The following FCGRT variants were observed in gnomAD, a reference collection of about 807,000 sequenced individuals.
The protein encoded by FCGRT is IgG receptor FcRn large subunit p51.
FCGRT carries 13 observed loss-of-function variants against 35.7 expected under a neutral mutation model. That is an observed-to-expected ratio of 0.36 (90% CI 0.24 to 0.58). FCGRT has a LOEUF of 0.58. Among genes scored for constraint, FCGRT ranks in the 20% least tolerant of loss-of-function variants. The pLI is 0.77. For missense variants in FCGRT, 455 were observed against 474.9 expected (o/e 0.96, Z 0.39); for synonymous variants, 233 against 216.5 (o/e 1.08, Z -0.67).
chr19:49,525,702 C>G lies in FCGRT; in HGVS notation c.988+129C>G, dbSNP rs1054003418. 46 of 698,846 alleles carry G rather than the reference C, an allele frequency of 6.6e-5. No individual in the cohort carries two copies. The African/African-American group carries it at 7.3e-4, about 11-fold the overall frequency. The allele number at this position is 698,846 out of a possible 1,614,324, so 43.3% of individuals were successfully genotyped here. A position where few individuals can be genotyped will look rare whatever the true frequency, so the allele number is the denominator to read the frequency against. ...TCAGAGAGAGGTGGAGACAGAAACCCAGAGATGGGAGAACAGAGGTGCAGA... is the reference window on the plus strand; with the variant it reads ...TCAGAGAGAGGTGGAGACAGAAACCGAGAGATGGGAGAACAGAGGTGCAGA... On this transcript the variant is annotated intron_variant, in intron 6 of 6. Coordinates refer to ENST00000221466, the MANE Select transcript of FCGRT (RefSeq NM_001136019.3).
At position 49,524,667 on chromosome 19, in the gene FCGRT, C is replaced by T. The variant is rs538609449; in HGVS notation, c.762C>T (p.Asp254=). ...AGGGTGACTTCGGCCCCAACAGTGA[C>T]GGATCCTTCCACGCCTCGTCGTCAC... The part of the protein sequence containing the change: ...TGQGDFGPNS[D]GSFHASSSLT... The change falls in exon 5 of 7, where the codon GAC becomes GAT. Residue 254 remains aspartate (D), a synonymous_variant. Coordinates refer to ENST00000221466, the MANE Select transcript of FCGRT (RefSeq NM_001136019.3). 62 of 1,605,784 alleles carry T rather than the reference C, an allele frequency of 3.9e-5. No homozygotes were observed. The highest frequency in any genetic ancestry group is 1.6e-4 in the Middle Eastern group (1 of 6,084).
rs766812943 is a variant in FCGRT, at chr19:49,514,363, A to G, written c.478A>G (p.Ile160Val). 9.3e-6 allele frequency: 15 copies of G among 1,613,136 alleles called. No individual in the cohort carries two copies. In the South Asian group the frequency reaches 9.9e-5, roughly 11 times the overall value. Residue 160 changes from isoleucine to valine, a missense_variant, in exon 4 of 7, where the codon ATC becomes GTC. Around this residue, in one of 3 missense-constraint regions of FCGRT, gnomAD observed 312 missense variants for 296.1 expected, o/e 1.05. Coordinates refer to ENST00000221466, the MANE Select transcript of FCGRT (RefSeq NM_001136019.3). ...TGGGGACTGGCCCGAGGCCCTGGCTATCAGTCAGCGGTGGCAGCAGCAGGA... is the reference window on the plus strand; with the variant it reads ...TGGGGACTGGCCCGAGGCCCTGGCTGTCAGTCAGCGGTGGCAGCAGCAGGA... ...WGGDWPEALA[I>V]SQRWQQQDKA...
At position 49,525,500 on chromosome 19, in the gene FCGRT, C is replaced by T. The variant is rs538290471; in HGVS notation, c.915C>T (p.Ile305=). Residue 305 remains isoleucine, a synonymous_variant, in exon 6 of 7, where the codon ATC becomes ATT. Transcript: ENST00000221466. ...KSSVLVVGIV[I]GVLLLTAAAV... ...CCGTGCTCGTGGTGGGAATCGTCAT[C>T]GGTGTCTTGCTACTCACGGCAGCGG... is the stretch of plus-strand genomic sequence containing the variant. 3.8e-5 allele frequency: 61 copies of T among 1,613,896 alleles called. No homozygotes were observed. The highest frequency in any genetic ancestry group is 1.3e-5 in the African/African-American group (1 of 75,034).
intron 4 of FCGRT, among the ~76,000 whole-genome samples, chr19:49,515,810 A>G (rs555325703): frequency 6.6e-6 from 1 of 152,126 alleles, no homozygotes; most frequent in Non-Finnish European, 1.5e-5. Flanking sequence ...CAGCCACCCA[A>G]CATAAGCAAT....
intron 4 of FCGRT, among the ~76,000 whole-genome samples, chr19:49,521,485 G>A (rs972205228): frequency 6.6e-6 from 1 of 150,832 alleles, no homozygotes; most frequent in Non-Finnish European, 1.5e-5. Flanking sequence ...CAGGAGAATC[G>A]CTTGACCCCA....
At chr19:49,525,627 AG>A in intron 6 of FCGRT, 54 bp downstream of exon 6, 1 of 1,240,610 alleles carries the variant, frequency 8.1e-7, no homozygotes, top group South Asian at 1.2e-5. Flanking sequence ...ACCCCAAGAG[AG>A]GGGCACACAG....
At chr19:49,519,682 T>C (rs73056079) in intron 4 of FCGRT, among the ~76,000 whole-genome samples, 22,886 of 152,080 alleles carry the variant, frequency 0.15, 2,084 homozygotes, top group African/African-American at 0.25. Flanking sequence ...GGGTAGTTGG[T>C]GCGTATGTCT....
intron 4 of FCGRT, among the ~76,000 whole-genome samples, chr19:49,514,724 G>A (rs1334256110): frequency 2.8e-5 from 4 of 142,436 alleles, no homozygotes; most frequent in African/African-American, 5.3e-5. Context: ...ACGGAGTTTC[G>A]CTCTTGTTGC....
chr19:49,524,377 TC>T, intron 4 of FCGRT, 129 bp from the exon 5 acceptor site: 1 of 1,030,166 alleles, frequency 9.7e-7, no homozygotes, highest in Non-Finnish European at 1.4e-6. Flanking sequence ...AGGAAGTGCC[TC>T]CCCTTTTACC....
chr19:49,513,737 T>TTCC (rs2079988280), intron 2 of FCGRT, 145 bp from the exon 3 acceptor site: 1 of 254,726 alleles, frequency 3.9e-6, no homozygotes, highest in African/African-American at 5.7e-5. Context: ...TGGGTCTCTG[T>TTCC]CCCCCCCCCC....
intron 1 of FCGRT, 175 bp from the exon 2 acceptor site, chr19:49,513,212 T>G (rs1482366263): frequency 1.8e-5 from 7 of 390,292 alleles, no homozygotes; most frequent in Non-Finnish European, 3.2e-5. Context: ...ATTAACCAAC[T>G]GAGATCCAGT....
intron 4 of FCGRT, among the ~76,000 whole-genome samples, chr19:49,515,913 T>C (rs1434599957): frequency 6.6e-6 from 1 of 152,166 alleles, no homozygotes. Flanking sequence ...CCCTCCTTAT[T>C]CTTCAAGGTC....
At chr19:49,518,122 T>C (rs1313041007) in intron 4 of FCGRT, among the ~76,000 whole-genome samples, 2 of 152,076 alleles carry the variant, frequency 1.3e-5, no homozygotes, top group Non-Finnish European at 2.9e-5. Context: ...CAGACTGTTT[T>C]GTTGATAAGT....
At position 49,513,436 on chromosome 19, in the gene FCGRT, G is replaced by GCTC; in HGVS notation, c.39_41dup (p.Leu15dup). 8.0e-7 allele frequency: 1 copy of GCTC among 1,245,516 alleles called. No individual in the cohort carries two copies. Among genetic ancestry groups the GCTC allele is most frequent in the Non-Finnish European group, 1.0e-6 (1 of 988,132 alleles). The allele number at this position is 1,245,516 out of a possible 1,614,324, so 77.2% of individuals were successfully genotyped here. On this transcript the variant is annotated inframe_insertion, in exon 2 of 7. Coordinates refer to ENST00000221466, the MANE Select transcript of FCGRT (RefSeq NM_001136019.3). The stretch of plus-strand genomic sequence containing the variant: ...CGCGGCCTCAGCCCTGGGCGCTGGG[G>GCTC]CTCCTGCTCTTTCTCCTTCCTGGGA...
Position 49,526,207 on chromosome 19 carries a change from T to G in FCGRT, c.*88T>G. On this transcript the variant is annotated 3_prime_UTR_variant, in exon 7 of 7. Coordinates refer to ENST00000221466, the MANE Select transcript of FCGRT (RefSeq NM_001136019.3). ...CCTGGAACACTGGCATCTCTGAGCC[T>G]CCAGAAGGGGTTCTGGGCCTAGTTG... 1.1e-6 allele frequency: 1 copy of G among 876,406 alleles called. No individual in the cohort carries two copies. The highest frequency in any genetic ancestry group is 1.9e-6 in the Non-Finnish European group (1 of 530,268). The allele number at this position is 876,406 out of a possible 1,614,324, so 54.3% of individuals were successfully genotyped here. A position where few individuals can be genotyped will look rare whatever the true frequency, so the allele number is the denominator to read the frequency against.
intron 2 of FCGRT, 168 bp from the exon 3 acceptor site, chr19:49,513,714 G>GTCTCTCTCTCTCCCTCTCTCTC (rs2079987723): frequency 1.9e-6 from 1 of 524,358 alleles, no homozygotes; most frequent in African/African-American, 2.8e-5. Flanking sequence ...TGGGTCTCTT[G>GTCTCTCTCTCTCCCTCTCTCTC]TCTCTCTCTC....
intron 1 of FCGRT, 96 bp from the exon 2 acceptor site, chr19:49,513,291 C>T (rs2079984383): frequency 1.8e-5 from 9 of 491,548 alleles, no homozygotes; most frequent in Non-Finnish European, 3.0e-5. Context: ...CGCAGAGCCC[C>T]TCCTCGGCGT....
chr19:49,518,454 T>G (rs2080021544), intron 4 of FCGRT, among the ~76,000 whole-genome samples: 1 of 151,434 alleles, frequency 6.6e-6, no homozygotes, highest in Non-Finnish European at 1.5e-5. Context: ...CAGTCTGAAC[T>G]TCCTGGGCTC....
chr19:49,518,684 C>G (rs911604543), intron 4 of FCGRT, among the ~76,000 whole-genome samples: 1 of 152,144 alleles, frequency 6.6e-6, no homozygotes, highest in African/African-American at 2.4e-5. Flanking sequence ...CAGGCGCAAG[C>G]CACCACGCCC....
Sources: allele counts gnomAD v4.1 joint callset (sites outside exome capture counted in the v4.1 genomes callset), GRCh38; gene constraint gnomAD v4.1.1; regional missense constraint gnomAD v4.1.1; transcripts MANE v1.5; gene names NCBI Gene and HGNC (gene_info 2026-07-23, HGNC 2026-07-21).